The following PPP6R3 variants were observed in gnomAD, a reference collection of about 807,000 sequenced individuals.
PPP6R3 encodes serine/threonine-protein phosphatase 6 regulatory subunit 3.
A neutral mutation model predicts 110.7 loss-of-function variants in PPP6R3; 38 were observed. The ratio of observed to expected loss-of-function variants is 0.34; its 90% CI spans 0.26 to 0.45. The LOEUF (loss-of-function observed/expected upper bound fraction) is 0.45. PPP6R3 is among the 20% of genes least tolerant of loss of function. The pLI is 1.00. For synonymous variants in PPP6R3, 369 were observed against 373.5 expected, an observed-to-expected ratio of 0.99 and a Z score of 0.14; for missense variants, 870 against 1,062.4, an observed-to-expected ratio of 0.82 and a Z score of 2.52.
chr11:68,553,460 A>G (rs941128195), intron 6 of PPP6R3, among the ~76,000 whole-genome samples: 24 of 151,612 alleles, frequency 1.6e-4, no homozygotes, highest in African/African-American at 5.6e-4. Context: ...CGCCTGGCTA[A>G]TTTTGTGTTT....
intron 12 of PPP6R3, among the ~76,000 whole-genome samples, chr11:68,573,046 G>C (rs1336243730): frequency 3.5e-5 from 5 of 141,724 alleles, no homozygotes; most frequent in African/African-American, 1.3e-4. Context: ...TCTTTCGTTT[G>C]ATAGAGCTTA....
At chr11:68,604,710 A>T (rs1002349262) in intron 22 of PPP6R3, among the ~76,000 whole-genome samples, 2 of 152,228 alleles carry the variant, frequency 1.3e-5, no homozygotes, top group African/African-American at 4.8e-5. Context: ...TCAATATAAG[A>T]TATTCCAAAT....
chr11:68,610,944 T>C (rs976123873), intron 23 of PPP6R3, among the ~76,000 whole-genome samples: 3 of 152,028 alleles, frequency 2.0e-5, no homozygotes, highest in Non-Finnish European at 4.4e-5. Flanking sequence ...AATCCTGTAT[T>C]CACAGTGTAG....
chr11:68,613,231 A>G lies in PPP6R3; in HGVS notation c.*114A>G. Reference sequence around the variant, plus strand: ...CACTGCTGCACTCACTCTGCAAGGGATCAGGACCAGCAACCTTTATATTCT... The same window carrying G: ...CACTGCTGCACTCACTCTGCAAGGGGTCAGGACCAGCAACCTTTATATTCT... On this transcript the variant is annotated 3_prime_UTR_variant, in exon 24 of 24. Transcript: ENST00000393800. 14 of 1,490,916 alleles carry G rather than the reference A, an allele frequency of 9.4e-6. No individual in the cohort carries two copies. The South Asian group carries it at 1.9e-4, about 20-fold the overall frequency. 92.4% of individuals were successfully genotyped at this position (1,490,916 alleles called of 1,614,324 possible). A position where few individuals can be genotyped will look rare whatever the true frequency, so the allele number is the denominator to read the frequency against.
At chr11:68,608,287 A>G (rs1459807488) in intron 22 of PPP6R3, among the ~76,000 whole-genome samples, 1 of 152,248 alleles carries the variant, frequency 6.6e-6, no homozygotes, top group African/African-American at 2.4e-5. Flanking sequence ...TTTATAGACA[A>G]GCCTTAAAAG....
chr11:68,551,167 A>G lies in PPP6R3; in HGVS notation c.599A>G (p.His200Arg), dbSNP rs762414510. The G allele has an allele frequency of 1.2e-6, 2 of 1,611,270 alleles. No homozygotes were observed. The highest frequency in any genetic ancestry group is 1.7e-6 in the Non-Finnish European group (2 of 1,178,194). The change falls in exon 6 of 24, where the codon CAT becomes CGT. Residue 200 changes from histidine (H) to arginine (R), a missense_variant. By Grantham distance (29) the His-to-Arg change is conservative (BLOSUM62 0). Coordinates refer to ENST00000393800, the MANE Select transcript of PPP6R3 (RefSeq NM_001164161.2). Reference sequence around the variant, plus strand: ...ATCCAGAGGCTTGTGGAAATAGTTCATCCATCGCAAGAAGAAGATGTAAGT... The same window carrying G: ...ATCCAGAGGCTTGTGGAAATAGTTCGTCCATCGCAAGAAGAAGATGTAAGT... The part of the protein sequence containing the change: ...KIIQRLVEIV[H>R]PSQEEDRHSN...
At chr11:68,525,624 C>T (rs1191855214) in intron 2 of PPP6R3, among the ~76,000 whole-genome samples, 2 of 152,108 alleles carry the variant, frequency 1.3e-5, no homozygotes, top group Non-Finnish European at 2.9e-5. Context: ...GGAAGATTGA[C>T]GATAATAGCT....
intron 16 of PPP6R3, among the ~76,000 whole-genome samples, chr11:68,589,401 G>GC (rs1250417441): frequency 6.6e-6 from 1 of 152,082 alleles, no homozygotes; most frequent in Non-Finnish European, 1.5e-5. Context: ...CACTCATTTT[G>GC]CAGTCAGGGT....
intron 19 of PPP6R3, 114 bp downstream of exon 19, chr11:68,596,332 T>G: frequency 7.1e-7 from 1 of 1,408,950 alleles, no homozygotes. Context: ...AAAGGTTGGG[T>G]TGAAGCGTGT....
intron 22 of PPP6R3, among the ~76,000 whole-genome samples, chr11:68,608,860 G>T (rs1423437391): frequency 6.6e-6 from 1 of 152,184 alleles, no homozygotes; most frequent in Non-Finnish European, 1.5e-5. Flanking sequence ...GCTTTGAAGG[G>T]AAAGGAGTGG....
Position 68,537,869 on chromosome 11 carries a change from A to C in PPP6R3, c.205A>C (p.Met69Leu). ...SFIIEEPPQD[M>L]DEKIRYKYPN... ...CATTATAGAAGAACCACCTCAAGAC[A>C]TGGATGAAAAGATCAGATACAAGTA... The change falls in exon 3 of 24, where the codon ATG (methionine) becomes CTG (leucine). Residue 69 changes from methionine (M) to leucine (L), a missense_variant. Coordinates refer to ENST00000393800, the MANE Select transcript of PPP6R3 (RefSeq NM_001164161.2). 6.2e-7 allele frequency: 1 copy of C among 1,610,994 alleles called. No individual in the cohort carries two copies.
At chr11:68,574,048 C>A in intron 12 of PPP6R3, 61 bp from the exon 13 acceptor site, 2 of 1,180,544 alleles carry the variant, frequency 1.7e-6, no homozygotes, top group South Asian at 1.2e-5. Flanking sequence ...CAGTATTTAC[C>A]GAGTGTTTCA....
At chr11:68,561,786 A>G (rs2099423252) in intron 8 of PPP6R3, among the ~76,000 whole-genome samples, 1 of 152,196 alleles carries the variant, frequency 6.6e-6, no homozygotes, top group Non-Finnish European at 1.5e-5. Flanking sequence ...ATTTTTTGAG[A>G]TAAGGCCTGC....
intron 1 of PPP6R3, among the ~76,000 whole-genome samples, chr11:68,463,356 A>G (rs999638546): frequency 1.4e-4 from 15 of 108,210 alleles, no homozygotes; most frequent in South Asian, 7.9e-4. Context: ...TCAGTCTCAG[A>G]AAAAAAAAAA....
At chr11:68,589,211 TAATAAC>T (rs772135975) in intron 16 of PPP6R3, among the ~76,000 whole-genome samples, 5 of 151,972 alleles carry the variant, frequency 3.3e-5, no homozygotes, top group East Asian at 1.9e-4. Flanking sequence ...CCTGTCTCAA[TAATAAC>T]AATAACAATA....
At chr11:68,466,096 C>T (rs77303030) in intron 1 of PPP6R3, among the ~76,000 whole-genome samples, 1,571 of 152,248 alleles carry the variant, frequency 0.01, 10 homozygotes, top group African/African-American at 0.012. Context: ...AAAATGTTTC[C>T]GGCATTCTTG....
intron 2 of PPP6R3, among the ~76,000 whole-genome samples, chr11:68,534,164 G>C (rs2099256991): frequency 6.6e-6 from 1 of 152,162 alleles, no homozygotes; most frequent in Non-Finnish European, 1.5e-5. Flanking sequence ...ACGGGTGACT[G>C]TCAGCACCTC....
chr11:68,542,393 T>TTTTTTTG (rs1317252286), intron 3 of PPP6R3, among the ~76,000 whole-genome samples: 30 of 99,518 alleles, frequency 3.0e-4, no homozygotes, highest in Non-Finnish European at 5.3e-4. Context: ...GCTGCTGTTT[T>TTTTTTTG]TTTTTTTTTT....
intron 3 of PPP6R3, among the ~76,000 whole-genome samples, chr11:68,541,353 A>G (rs2099314326): frequency 6.6e-6 from 1 of 152,194 alleles, no homozygotes; most frequent in Admixed American, 6.5e-5. Context: ...ATCAGCAGAG[A>G]AAAACAAGAT....
Sources: gnomAD v4.1 joint callset for allele counts (sites outside exome capture counted in the v4.1 genomes callset) on GRCh38, gnomAD v4.1.1 for gene constraint, MANE v1.5 for transcripts, NCBI Gene and HGNC (gene_info 2026-07-23, HGNC 2026-07-21) for gene names.